ANKRD28: variants seen among roughly 807,000 people sequenced by gnomAD.
The protein encoded by ANKRD28 is ankyrin repeat domain 28.
A neutral mutation model predicts 126.5 loss-of-function variants in ANKRD28; 44 were observed. The ratio of observed to expected loss-of-function variants is 0.35; its 90% confidence interval spans 0.27 to 0.45. The LOEUF is 0.45. Among genes scored for constraint, ANKRD28 ranks in the 20% least tolerant of loss-of-function variants. ANKRD28 has a pLI of 1.00. For missense variants in ANKRD28, 1,110 were observed against 1,316.6 expected, an observed-to-expected ratio of 0.84 and a Z score of 2.43; for synonymous variants, 442 against 468.5, an observed-to-expected ratio of 0.94 and a Z score of 0.73.
intron 1 of ANKRD28, among the ~76,000 whole-genome samples, chr3:15,859,055 C>T (rs1022588125): frequency 1.3e-5 from 2 of 152,158 alleles, no homozygotes; most frequent in African/African-American, 4.8e-5. Context: ...ACCTGTTAGG[C>T]CCGAGCCTCA....
At chr3:15,824,901 G>A (rs996067830) in intron 1 of ANKRD28, among the ~76,000 whole-genome samples, 1 of 152,214 alleles carries the variant, frequency 6.6e-6, no homozygotes, top group African/African-American at 2.4e-5. Context: ...CATTGATACA[G>A]CCTCTGTGCA....
In ANKRD28 at chr3:15,738,856, C is replaced by T. The variant is rs138208611; in HGVS notation, c.352-1623G>A. 7.2e-5 allele frequency: 11 copies of T among 152,268 alleles called. No individual in the cohort carries two copies. In the East Asian group the frequency reaches 2.1e-3, roughly 29 times the overall value. The allele number at this position is 152,268 out of a possible 1,614,324, so 9.4% of individuals were successfully genotyped here. The stretch of plus-strand genomic sequence containing the variant: ...ATGGGAGACTGGGGCTTATTTCATC[C>T]CTTATCTGCAAGTGTAAAAAGACAG... On this transcript the variant is annotated intron_variant, in intron 4 of 27. Coordinates refer to ENST00000683139, the MANE Select transcript of ANKRD28 (RefSeq NM_001349278.2).
At chr3:15,675,476 T>C (rs945454791) in intron 27 of ANKRD28, among the ~76,000 whole-genome samples, 4 of 152,064 alleles carry the variant, frequency 2.6e-5, no homozygotes, top group Non-Finnish European at 5.9e-5. Context: ...GAGCGAAAAA[T>C]GTTACTCCAG....
rs1386213677 is a variant in ANKRD28 at position 15,796,452 on chromosome 3, G to T, written c.70C>A (p.Pro24Thr). 1.6e-6 allele frequency: 2 copies of T among 1,287,784 alleles called. No homozygotes were observed. The highest frequency in any genetic ancestry group is 1.2e-5 in the South Asian group (1 of 80,812). The allele number at this position is 1,287,784 out of a possible 1,614,324, so 79.8% of individuals were successfully genotyped here. ...DESPAFISKL[P>T]QENKSLHSPP... ...GAATGTAGGGATTTATTTTCCTGTG[G>T]CAATTTAGAAATGAATGCAGGAGAT... The change falls in exon 1 of 28, where the codon CCA (proline) becomes ACA (threonine). Residue 24 changes from proline to threonine, a missense_variant. By Grantham distance (38) the Pro-to-Thr change is conservative. Transcript: ENST00000683139.
chr3:15,755,645 G>C (rs1401011283), intron 3 of ANKRD28, among the ~76,000 whole-genome samples: 1 of 152,178 alleles, frequency 6.6e-6, no homozygotes, highest in Non-Finnish European at 1.5e-5. Context: ...AGATACAGGG[G>C]AGGCAGGGAG....
chr3:15,835,478 A>T (rs1370356416), intron 1 of ANKRD28, among the ~76,000 whole-genome samples: 1 of 152,244 alleles, frequency 6.6e-6, no homozygotes, highest in Non-Finnish European at 1.5e-5. Flanking sequence ...CGTTCCTCTT[A>T]CAGCCTGTGG....
At chr3:15,749,631 A>G (rs1011158849) in intron 4 of ANKRD28, among the ~76,000 whole-genome samples, 8 of 152,196 alleles carry the variant, frequency 5.3e-5, no homozygotes, top group Non-Finnish European at 8.8e-5. Flanking sequence ...AGGCTATGTC[A>G]GAGGGAAGAT....
chr3:15,719,847 G>A (rs2073505822), intron 8 of ANKRD28, among the ~76,000 whole-genome samples: 1 of 151,956 alleles, frequency 6.6e-6, no homozygotes, highest in Non-Finnish European at 1.5e-5. Flanking sequence ...GAGCCAGACT[G>A]TATCCGGCCA....
At chr3:15,840,567 A>G (rs1179175570) in intron 1 of ANKRD28, among the ~76,000 whole-genome samples, 1 of 152,238 alleles carries the variant, frequency 6.6e-6, no homozygotes, top group African/African-American at 2.4e-5. Context: ...GGAACAACAA[A>G]AGACCCAGAA....
At chr3:15,783,699 A>AT (rs1228703961) in intron 2 of ANKRD28, among the ~76,000 whole-genome samples, 3 of 152,050 alleles carry the variant, frequency 2.0e-5, no homozygotes, top group East Asian at 3.8e-4. Flanking sequence ...GGAATAAGCT[A>AT]TTAATACATG....
chr3:15,859,533 G>A (rs571688374), exon 1 of ANKRD28: 2 of 651,074 alleles, frequency 3.1e-6, no homozygotes, highest in African/African-American at 7.7e-5. Context: ...GCGGCCGACT[G>A]CGCTGAGAAG....
chr3:15,736,940 G>C (rs1322019499), intron 5 of ANKRD28, 93 bp downstream of exon 5: 1 of 1,254,182 alleles, frequency 8.0e-7, no homozygotes, highest in African/African-American at 1.5e-5. Flanking sequence ...AAATAGTTCT[G>C]TATGCCTTTA....
At chr3:15,772,542 A>G (rs951648920) in intron 2 of ANKRD28, among the ~76,000 whole-genome samples, 31 of 152,208 alleles carry the variant, frequency 2.0e-4, no homozygotes, top group African/African-American at 7.5e-4. Context: ...GACCAACTGG[A>G]GTTTATTCTG....
rs34328290 is a variant in ANKRD28 at position 15,764,541 on chromosome 3, G to GA, written c.280+1692dup. 1.6e-3 allele frequency among the ~76,000 whole-genome samples: 230 copies of GA among 144,100 alleles called. 1 individual carries two copies. The highest frequency in any genetic ancestry group is 4.4e-3 in the South Asian group (20 of 4,548). The allele number at this position is 144,100 out of a possible 152,430, so 94.5% of individuals were successfully genotyped here. ...TCTCCTGGGTGTAAAAATAAAAAAT[G>GA]AAAAAAAAAAACAAACCCTCCACGT... On this transcript the variant is annotated intron_variant, in intron 3 of 27. Coordinates refer to ENST00000683139, the MANE Select transcript of ANKRD28 (RefSeq NM_001349278.2).
chr3:15,850,202 A>ATATATATATATATATATAT (rs1455598240), intron 1 of ANKRD28, among the ~76,000 whole-genome samples: 9 of 55,088 alleles, frequency 1.6e-4, no homozygotes, highest in South Asian at 1.3e-3. Context: ...AAAAAAAAAA[A>ATATATATATATATATATAT]AAATATATAT....
At chr3:15,726,698 A>G (rs75566846) in intron 6 of ANKRD28, among the ~76,000 whole-genome samples, 2 of 152,248 alleles carry the variant, frequency 1.3e-5, no homozygotes, top group Admixed American at 6.5e-5. Flanking sequence ...AGGTGGCTAC[A>G]TTAAACAGCA....
At chr3:15,774,842 C>T (rs1036199905) in intron 2 of ANKRD28, among the ~76,000 whole-genome samples, 37 of 152,268 alleles carry the variant, frequency 2.4e-4, no homozygotes, top group African/African-American at 7.7e-4. Context: ...TAAGAGACAA[C>T]TCAAAAGAAA....
intron 1 of ANKRD28, among the ~76,000 whole-genome samples, chr3:15,808,315 T>C (rs896021443): frequency 1.3e-5 from 2 of 152,240 alleles, no homozygotes; most frequent in African/African-American, 2.4e-5. Context: ...CCTTCTAGTT[T>C]AACAATGTTT....
intron 15 of ANKRD28, 84 bp downstream of exon 15, chr3:15,696,050 C>A: frequency 1.1e-6 from 1 of 936,922 alleles, no homozygotes; most frequent in Admixed American, 2.9e-5. Context: ...GGAATTTGTT[C>A]CTTGATCCAT....
Sources: allele counts gnomAD v4.1 joint callset (sites outside exome capture counted in the v4.1 genomes callset), GRCh38; gene constraint gnomAD v4.1.1; transcripts MANE v1.5; gene names NCBI Gene and HGNC (gene_info 2026-07-23, HGNC 2026-07-21).